Variants in AHCTF1 observed in about 807,000 individuals in gnomAD.
AHCTF1 encodes the protein protein ELYS.
In AHCTF1, 24 loss-of-function variants were observed where a neutral mutation model predicts 248.4. That is an observed-to-expected ratio of 0.10 (90% CI 0.07 to 0.14). The LOEUF (loss-of-function observed/expected upper bound fraction) is 0.14. Ranked by LOEUF, AHCTF1 falls within the 10% of genes least tolerant of loss-of-function variation. The pLI is 1.00. For missense variants in AHCTF1, 2,206 were observed against 2,636.2 expected, an observed-to-expected ratio of 0.84 and a Z score of 3.57; for synonymous variants, 786 against 929.8, an observed-to-expected ratio of 0.85 and a Z score of 2.81.
chr1:246,929,678 A>G (rs935631565), intron 1 of AHCTF1, among the ~76,000 whole-genome samples: 3 of 152,242 alleles, frequency 2.0e-5, no homozygotes, highest in Non-Finnish European at 2.9e-5. Flanking sequence ...GGGAAGTTAC[A>G]CTTCATTCTG....
In AHCTF1 at chr1:246,904,003, C is replaced by T. The variant is rs1047652511; in HGVS notation, c.912G>A (p.Leu304=). ...SEGDVLSLHL[L]QLAFGNRKCL... is the part of the protein sequence containing the mutation. ...ACTTTCTATTACCAAAGGCCAGCTG[C>T]AGCAGATGCAAACTCAAAACATCCC... The change falls in exon 7 of 36, where the codon CTG becomes CTA. Residue 304 remains leucine (L), a synonymous_variant. Coordinates refer to ENST00000648844, the MANE Select transcript of AHCTF1 (RefSeq NM_001323342.2). The T allele has an allele frequency of 1.2e-6, 2 of 1,613,892 alleles. No homozygotes were observed. The highest frequency in any genetic ancestry group is 1.3e-5 in the African/African-American group (1 of 74,872).
intron 1 of AHCTF1, among the ~76,000 whole-genome samples, chr1:246,922,808 C>T (rs191651108): frequency 6.6e-6 from 1 of 150,838 alleles, no homozygotes; most frequent in Non-Finnish European, 1.5e-5. Flanking sequence ...CGGTGAAACC[C>T]TGTCTCTACT....
At chr1:246,896,036 C>G in intron 12 of AHCTF1, 111 bp from the exon 13 acceptor site, 1 of 766,626 alleles carries the variant, frequency 1.3e-6, no homozygotes, top group South Asian at 1.8e-5. Flanking sequence ...ATCAGTATGA[C>G]CCATAAGAAG....
rs1572403474 is a variant in AHCTF1, at chr1:246,876,953, A to G, written c.2934T>C (p.Val978=). The change falls in exon 23 of 36, where the codon GTT becomes GTC. Residue 978 remains valine, a synonymous_variant. Coordinates refer to ENST00000648844, the MANE Select transcript of AHCTF1 (RefSeq NM_001323342.2). ...AATAAGACAACTTTAATCGTACCATAACATTAATCTTCAGAGTTTGGTTCA... is the reference window on the plus strand; with the variant it reads ...AATAAGACAACTTTAATCGTACCATGACATTAATCTTCAGAGTTTGGTTCA... ...LKLNQTLKIN[V]MNDRDPRLRE... The G allele has an allele frequency of 6.2e-7, 1 of 1,611,796 alleles. No homozygotes were observed. The highest frequency in any genetic ancestry group is 2.2e-5 in the East Asian group (1 of 44,872).
At chr1:246,908,157 G>A (rs1665528830) in intron 4 of AHCTF1, among the ~76,000 whole-genome samples, 3 of 151,924 alleles carry the variant, frequency 2.0e-5, no homozygotes, top group African/African-American at 7.3e-5. Context: ...AAATGAGCCT[G>A]GTACATCTTA....
In AHCTF1 at chr1:246,903,655, C is replaced by G. The variant is rs552112047; in HGVS notation, c.966+294G>C. Among the ~76,000 whole-genome samples, 6 of 114,452 alleles carry G rather than the reference C, an allele frequency of 5.2e-5. 1 individual carries two copies. Among genetic ancestry groups the G allele is most frequent in the East Asian group, 2.7e-4 (1 of 3,664 alleles). 75.1% of individuals were successfully genotyped at this position (114,452 alleles called of 152,430 possible). ...CCAGCCTGGCCAAGATGGTGAGACC[C>G]CCCCCCCTCCGTCTCTGCTAAATAT... On this transcript the variant is annotated intron_variant, in intron 7 of 35. Coordinates refer to ENST00000648844, the MANE Select transcript of AHCTF1 (RefSeq NM_001323342.2).
intron 10 of AHCTF1, 35 bp from the exon 11 acceptor site, chr1:246,899,547 T>C (rs760940178): frequency 6.4e-7 from 1 of 1,555,746 alleles, no homozygotes; most frequent in East Asian, 2.3e-5. Flanking sequence ...TCCACTTACA[T>C]ATATTTAAAA....
Position 246,877,368 on chromosome 1 carries a change from CTACATGTAGAATTTCAAAGA to C in AHCTF1, c.2661-86_2661-67del, listed in dbSNP as rs1663051681. The C allele has an allele frequency of 4.8e-6, 7 of 1,450,468 alleles. No individual in the cohort carries two copies. The South Asian group carries it at 1.1e-4, about 22-fold the overall frequency. 89.8% of individuals were successfully genotyped at this position (1,450,468 alleles called of 1,614,324 possible). ...TATTTAAATGTACAAAACAAGAAAT[CTACATGTAGAATTTCAAAGA>C]TACTTTGTAAAGTATCTTTATAAAT... On this transcript the variant is annotated intron_variant, in intron 21 of 35. Coordinates refer to ENST00000648844, the MANE Select transcript of AHCTF1 (RefSeq NM_001323342.2).
rs186693546 is a variant in AHCTF1, at chr1:246,928,235, G to A, written c.-8+3343C>T. 9.5e-4 allele frequency among the ~76,000 whole-genome samples: 143 copies of A among 150,692 alleles called. No individual in the cohort carries two copies. In the East Asian group the frequency reaches 0.025, roughly 26 times the overall value. ...GGAGAATGGCATGAACCCGGGAGGC[G>A]GACCTGGCAGTGAGCCGACATCGCG... On this transcript the variant is annotated intron_variant, in intron 1 of 35. Transcript: ENST00000648844.
chr1:246,869,137 C>G (rs1278403519), intron 24 of AHCTF1, among the ~76,000 whole-genome samples: 1 of 151,902 alleles, frequency 6.6e-6, no homozygotes, highest in East Asian at 1.9e-4. Flanking sequence ...GCCACCACGC[C>G]CGGCCGTGTG....
chr1:246,879,104 A>G (rs1024324687), intron 21 of AHCTF1, among the ~76,000 whole-genome samples: 1 of 152,204 alleles, frequency 6.6e-6, no homozygotes, highest in Non-Finnish European at 1.5e-5. Flanking sequence ...AATGCATACA[A>G]AGCGGCTATA....
intron 33 of AHCTF1, among the ~76,000 whole-genome samples, chr1:246,848,945 T>C (rs1254713322): frequency 2.6e-5 from 4 of 152,154 alleles, no homozygotes; most frequent in Non-Finnish European, 5.9e-5. Context: ...CACACCAGTG[T>C]CTTAACTTTT....
rs553914408 is a variant in AHCTF1, at chr1:246,913,255, T to C, written c.533A>G (p.Asn178Ser). ...VDLCLDDLSC[N>S]QNEVEASDLE... ...ACCTGATGCTTCAACTTCATTTTGA[T>C]TGCATGACAAGTCATCCAAACATAG... is the stretch of plus-strand genomic sequence containing the variant. Residue 178 changes from asparagine (N) to serine (S), a missense_variant, in exon 4 of 36, where the codon AAT (asparagine) becomes AGT (serine). Physicochemically the swap from Asn to Ser is conservative, Grantham distance 46 (BLOSUM62 1). Transcript: ENST00000648844. 3.2e-5 allele frequency: 51 copies of C among 1,606,844 alleles called. No homozygotes were observed. The East Asian group carries it at 6.0e-4, about 19-fold the overall frequency.
intron 28 of AHCTF1, among the ~76,000 whole-genome samples, 186 bp from the exon 29 acceptor site, chr1:246,861,481 T>C (rs567765030): frequency 6.6e-6 from 1 of 152,316 alleles, no homozygotes; most frequent in African/African-American, 2.4e-5. Context: ...GTGGCTAATG[T>C]TTCCCTAATT....
intron 31 of AHCTF1, among the ~76,000 whole-genome samples, chr1:246,854,289 ACT>A (rs1294766900): frequency 5.4e-5 from 7 of 128,712 alleles, no homozygotes; most frequent in African/African-American, 2.0e-4. Flanking sequence ...ACAGAGCGAG[ACT>A]CTGTTTCAAA....
rs756578879 is a variant in AHCTF1 at position 246,907,482 on chromosome 1, A to G, written c.764+69T>C. On this transcript the variant is annotated intron_variant, in intron 5 of 35. Transcript: ENST00000648844. ...CTCACTATGCTAACTTTCAAATATT[A>G]GTAAATGAGTACAAGCTATATGCAA... is the stretch of plus-strand genomic sequence containing the variant. 545 of 1,340,730 alleles carry G rather than the reference A, an allele frequency of 4.1e-4. 8 individuals carry two copies. In the Middle Eastern group the frequency reaches 0.018, roughly 43 times the overall value. 83.1% of individuals were successfully genotyped at this position (1,340,730 alleles called of 1,614,324 possible).
At chr1:246,859,693 AGT>A (rs1190394276) in intron 29 of AHCTF1, among the ~76,000 whole-genome samples, 1 of 152,038 alleles carries the variant, frequency 6.6e-6, no homozygotes, top group Non-Finnish European at 1.5e-5. Flanking sequence ...CTCCCCTCTC[AGT>A]GTCCTGAGTA....
intron 20 of AHCTF1, 48 bp downstream of exon 20, chr1:246,887,163 A>G: frequency 6.5e-7 from 1 of 1,547,398 alleles, no homozygotes; most frequent in African/African-American, 1.4e-5. Context: ...GTATTTTCTA[A>G]AATTCTAGTA....
At position 246,888,448 on chromosome 1, in the gene AHCTF1, C is replaced by T. The variant is rs373492917; in HGVS notation, c.2214G>A (p.Lys738=). ...LVSQLGERIE[K]LWKRDEGGTG... ...TGCCTCCTTCATCTCGTTTCCACAA[C>T]TTCTCAATTCGCTCTCCTAACTGAG... is the stretch of plus-strand genomic sequence containing the variant. Residue 738 remains lysine (K), a synonymous_variant, in exon 18 of 36, where the codon AAG becomes AAA. Transcript: ENST00000648844. 1.9e-6 allele frequency: 3 copies of T among 1,613,312 alleles called. No individual in the cohort carries two copies. The African/African-American group carries it at 4.0e-5, about 22-fold the overall frequency.
Sources: gnomAD v4.1 joint callset for allele counts (sites outside exome capture counted in the v4.1 genomes callset) on GRCh38, gnomAD v4.1.1 for gene constraint, MANE v1.5 for transcripts, NCBI Gene and HGNC (gene_info 2026-07-23, HGNC 2026-07-21) for gene names.